The following MYO7B variants were observed in gnomAD, a reference collection of about 807,000 sequenced individuals.
MYO7B encodes the protein myosin VIIB, also known as unconventional myosin-VIIb.
MYO7B carries 212 observed loss-of-function variants against 259.7 expected under a neutral mutation model. That is an observed-to-expected ratio of 0.82 (90% CI 0.73 to 0.91). The LOEUF (loss-of-function observed/expected upper bound fraction) is 0.91. Ranked by LOEUF, MYO7B falls within the 40% of genes least tolerant of loss-of-function variation. The probability of loss-of-function intolerance (pLI) is 0.00; values close to 1 mark genes in which losing one functional copy is unlikely to be tolerated. For synonymous variants in MYO7B, 1,197 were observed against 1,166.4 expected (o/e 1.03, Z -0.54); for missense variants, 2,732 against 2,813.5 (o/e 0.97, Z 0.66).
intron 31 of MYO7B, 42 bp downstream of exon 31, chr2:127,625,577 C>T: frequency 6.6e-7 from 1 of 1,525,428 alleles, no homozygotes; most frequent in Non-Finnish European, 8.8e-7. Flanking sequence ...GAGGGCTCTC[C>T]TTTGGGAGGT....
intron 6 of MYO7B, among the ~76,000 whole-genome samples, chr2:127,571,755 C>T (rs1384766642): frequency 3.3e-5 from 5 of 152,110 alleles, no homozygotes; most frequent in African/African-American, 7.2e-5. Context: ...GCTGGGATTA[C>T]AGGCGTGAGC....
Position 127,598,942 on chromosome 2 carries a change from C to T in MYO7B, c.2339+2386C>T, listed in dbSNP as rs531981485. On this transcript the variant is annotated intron_variant, in intron 19 of 47. Coordinates refer to ENST00000409816, the MANE Select transcript of MYO7B (RefSeq NM_001393586.1). ...ATTGGTCGATGACTCTATCCCTCCA[C>T]AATGTCACAACATCTTGTTTATCAT... 2.0e-5 allele frequency among the ~76,000 whole-genome samples: 3 copies of T among 152,354 alleles called. No homozygotes were observed. The East Asian group carries it at 5.8e-4, about 29-fold the overall frequency.
At chr2:127,594,184 G>A (rs1005149161) in intron 18 of MYO7B, among the ~76,000 whole-genome samples, 1 of 152,248 alleles carries the variant, frequency 6.6e-6, no homozygotes, top group African/African-American at 2.4e-5. Flanking sequence ...AAAATGCACA[G>A]GGAGCTGAAG....
At position 127,623,303 on chromosome 2, in the gene MYO7B, C is replaced by T. The variant is rs764520265; in HGVS notation, c.3747C>T (p.Cys1249=). 6.2e-7 allele frequency: 1 copy of T among 1,613,116 alleles called. No individual in the cohort carries two copies. Among genetic ancestry groups the T allele is most frequent in the East Asian group, 2.2e-5 (1 of 44,862 alleles). The stretch of plus-strand genomic sequence containing the variant: ...CAGCCTCCACATCTCGGGAAATGTG[C>T]ATGCACATCGCTCACAAGCAGGGCC... ...VDSASTSREM[C]MHIAHKQGLS... is the part of the protein sequence containing the mutation. Residue 1249 remains cysteine (C), a synonymous_variant, in exon 29 of 48, where the codon TGC becomes TGT. Transcript: ENST00000409816.
At chr2:127,581,413 G>T (rs560836612) in intron 10 of MYO7B, among the ~76,000 whole-genome samples, 17 of 152,318 alleles carry the variant, frequency 1.1e-4, no homozygotes, top group African/African-American at 3.8e-4. Flanking sequence ...ATAGAATCAG[G>T]AGCAAGAAAT....
Position 127,590,262 on chromosome 2 carries a change from G to GGGA in MYO7B, c.1992+45_1992+47dup, listed in dbSNP as rs762296556. On this transcript the variant is annotated intron_variant, in intron 16 of 47. Coordinates refer to ENST00000409816, the MANE Select transcript of MYO7B (RefSeq NM_001393586.1). This position sits in a 1 kb window ranked among gnomAD's most constrained non-coding sequence, Gnocchi z 4.6. ...CAGGAGGCTGGGGCACAGCAAAGGAGGGAGGAGGAGGAGGCTGATGGCCTC... is the reference window on the plus strand; with the variant it reads ...CAGGAGGCTGGGGCACAGCAAAGGAGGGAGGAGGAGGAGGAGGCTGATGGCCTC... 6.2e-7 allele frequency: 1 copy of GGGA among 1,612,190 alleles called. No individual in the cohort carries two copies. Among genetic ancestry groups the GGGA allele is most frequent in the South Asian group, 1.1e-5 (1 of 91,016 alleles).
At chr2:127,623,151 C>T in intron 28 of MYO7B, 51 bp from the exon 29 acceptor site, 2 of 1,602,796 alleles carry the variant, frequency 1.2e-6, no homozygotes, top group Non-Finnish European at 1.7e-6. Flanking sequence ...GGGTTGGCCT[C>T]CTGTCCATAG....
chr2:127,575,323 A>G (rs1331922964), intron 7 of MYO7B, among the ~76,000 whole-genome samples: 1 of 151,952 alleles, frequency 6.6e-6, no homozygotes, highest in Non-Finnish European at 1.5e-5. Context: ...GGAAGCTCCT[A>G]TTTCTTGATA....
At chr2:127,629,064 G>A (rs1361168858) in intron 34 of MYO7B, among the ~76,000 whole-genome samples, 1 of 152,178 alleles carries the variant, frequency 6.6e-6, no homozygotes, top group Non-Finnish European at 1.5e-5. Flanking sequence ...CAGGACCCCC[G>A]CTGGGCCAGC....
intron 1 of MYO7B, among the ~76,000 whole-genome samples, chr2:127,538,160 CG>C (rs1391493840): frequency 6.6e-6 from 1 of 151,864 alleles, no homozygotes; most frequent in East Asian, 1.9e-4. Context: ...GGGTGGGGAA[CG>C]GGGGATGTTC....
At chr2:127,608,461 C>T (rs1473569720) in intron 21 of MYO7B, among the ~76,000 whole-genome samples, 1 of 152,230 alleles carries the variant, frequency 6.6e-6, no homozygotes, top group East Asian at 1.9e-4. Context: ...AGGGTAGGGA[C>T]AAGCCAGCAA....
chr2:127,592,741 G>A (rs1207171502), intron 16 of MYO7B, 53 bp from the exon 17 acceptor site: 1 of 1,572,166 alleles, frequency 6.4e-7, no homozygotes, highest in Non-Finnish European at 8.6e-7. Flanking sequence ...CGGGAAGGGG[G>A]GTGGCTGGAA....
rs112257559 is a variant in MYO7B, at chr2:127,635,232, G to A, written c.5820+6G>A. 20 of 1,610,432 alleles carry A rather than the reference G, an allele frequency of 1.2e-5. No homozygotes were observed. In the East Asian group the frequency reaches 1.6e-4, roughly 13 times the overall value. On this transcript the variant is annotated splice_donor_region_variant and intron_variant, in intron 43 of 47. Coordinates refer to ENST00000409816, the MANE Select transcript of MYO7B (RefSeq NM_001393586.1). Reference sequence around the variant, plus strand: ...CCATACTCCATTACCACCAGGTACCGGGCAGGCTGCCCTGGTGGGCACTGG... The same window carrying A: ...CCATACTCCATTACCACCAGGTACCAGGCAGGCTGCCCTGGTGGGCACTGG...
At chr2:127,618,842 GCCTGGGGC>G (rs2105066276) in intron 26 of MYO7B, among the ~76,000 whole-genome samples, 1 of 152,358 alleles carries the variant, frequency 6.6e-6, no homozygotes, top group East Asian at 1.9e-4. Context: ...GCAGGATGGA[GCCTGGGGC>G]TGGGAGGCCA....
At chr2:127,544,031 A>G (rs554986637) in intron 1 of MYO7B, among the ~76,000 whole-genome samples, 2 of 152,004 alleles carry the variant, frequency 1.3e-5, no homozygotes, top group African/African-American at 4.8e-5. Flanking sequence ...TCGGCCTCCC[A>G]AAGTGCTGGG....
intron 18 of MYO7B, among the ~76,000 whole-genome samples, chr2:127,594,576 G>A (rs1381075498): frequency 6.6e-6 from 1 of 152,226 alleles, no homozygotes; most frequent in Non-Finnish European, 1.5e-5. Context: ...GGCAAGGCCA[G>A]CAGAGGGACC....
At chr2:127,567,274 G>C (rs1240530667) in intron 5 of MYO7B, among the ~76,000 whole-genome samples, 1 of 152,120 alleles carries the variant, frequency 6.6e-6, no homozygotes, top group Non-Finnish European at 1.5e-5. Context: ...TGGGACCCAG[G>C]TTAGGCACTT....
At chr2:127,622,704 C>T (rs1680899316) in intron 28 of MYO7B, among the ~76,000 whole-genome samples, 1 of 152,242 alleles carries the variant, frequency 6.6e-6, no homozygotes, top group Non-Finnish European at 1.5e-5. Context: ...TCTGTTCTCA[C>T]CCTGCCCCCG....
chr2:127,594,212 C>T (rs1425554567), intron 18 of MYO7B, among the ~76,000 whole-genome samples: 2 of 152,250 alleles, frequency 1.3e-5, no homozygotes, highest in South Asian at 2.1e-4. Context: ...AAGGAAGCTT[C>T]GGGGCCCTCC....
Sources: allele counts gnomAD v4.1 joint callset (sites outside exome capture counted in the v4.1 genomes callset), GRCh38; gene constraint gnomAD v4.1.1; non-coding constraint Gnocchi (gnomAD v3.1); transcripts MANE v1.5; gene names NCBI Gene and HGNC (gene_info 2026-07-23, HGNC 2026-07-21).